The following NRG2 variants were observed in gnomAD, a reference collection of about 807,000 sequenced individuals.
NRG2 encodes neuregulin 2.
A neutral mutation model predicts 73.9 loss-of-function variants in NRG2; 27 were observed. That is an observed-to-expected ratio of 0.37 (90% confidence interval 0.27 to 0.50). NRG2 has a LOEUF of 0.50. NRG2 is among the 20% of genes least tolerant of loss of function. NRG2 has a pLI of 0.96. For missense variants in NRG2, 1,126 were observed against 1,210.1 expected, an observed-to-expected ratio of 0.93 and a Z score of 1.03; for synonymous variants, 532 against 541.0, an observed-to-expected ratio of 0.98 and a Z score of 0.23.
At chr5:139,932,893 A>T (rs1013950123) in intron 1 of NRG2, among the ~76,000 whole-genome samples, 9 of 152,120 alleles carry the variant, frequency 5.9e-5, no homozygotes, top group Non-Finnish European at 2.9e-5. Flanking sequence ...GTATTTATTT[A>T]AAAATTTTAA....
Position 139,847,211 on chromosome 5 carries a change from C to A in NRG2, c.*706G>T, listed in dbSNP as rs1477240038. 1 of 152,190 alleles carries A rather than the reference C, an allele frequency of 6.6e-6. No homozygotes were observed. Among genetic ancestry groups the A allele is most frequent in the African/African-American group, 2.4e-5 (1 of 41,412 alleles). The allele number at this position is 152,190 out of a possible 1,614,324, so 9.4% of individuals were successfully genotyped here. Reference sequence around the variant, plus strand: ...CCTGGAGGCTGTGGGGGACAGGAGCCGCCAACATTGGGCCCCTGGCAGAGC... The same window carrying A: ...CCTGGAGGCTGTGGGGGACAGGAGCAGCCAACATTGGGCCCCTGGCAGAGC... On this transcript the variant is annotated 3_prime_UTR_variant, in exon 10 of 10. Coordinates refer to ENST00000361474, the MANE Select transcript of NRG2 (RefSeq NM_004883.3).
Position 139,887,610 on chromosome 5 carries a change from G to A in NRG2, c.701-99C>T. 8.9e-7 allele frequency: 1 copy of A among 1,121,156 alleles called. No homozygotes were observed. Among genetic ancestry groups the A allele is most frequent in the South Asian group, 1.5e-5 (1 of 68,730 alleles). 69.5% of individuals were successfully genotyped at this position (1,121,156 alleles called of 1,614,324 possible). The stretch of plus-strand genomic sequence containing the variant: ...GGGCCACTGTCTTTGGGCTGGAACT[G>A]GGGAAGGGAAGGGTGATCCTGAGAG... On this transcript the variant is annotated intron_variant, in intron 1 of 9. Transcript: ENST00000361474. The surrounding 1 kb of genome is among the most constrained non-coding windows in gnomAD (Gnocchi z 4.5).
chr5:139,921,009 A>G (rs1751618259), intron 1 of NRG2, among the ~76,000 whole-genome samples: 1 of 152,238 alleles, frequency 6.6e-6, no homozygotes, highest in Admixed American at 6.5e-5. Flanking sequence ...CATTAGCACT[A>G]TCTAAAATGA....
chr5:140,011,828 T>A (rs1759389654), intron 1 of NRG2, among the ~76,000 whole-genome samples: 1 of 152,232 alleles, frequency 6.6e-6, no homozygotes, highest in South Asian at 2.1e-4. Context: ...ACCCACTACA[T>A]TTTGGGGTAA....
rs932105216 is a variant in NRG2 at position 139,852,020 on chromosome 5, G to T, written c.1545-189C>A. Among the ~76,000 whole-genome samples the T allele has an allele frequency of 5.3e-5, 8 of 152,186 alleles. No individual in the cohort carries two copies. The highest frequency in any genetic ancestry group is 1.7e-4 in the African/African-American group (7 of 41,440). On this transcript the variant is annotated intron_variant, in intron 8 of 9. Transcript: ENST00000361474. The surrounding 1 kb of genome is among the most constrained non-coding windows in gnomAD (Gnocchi z 4.4). ...CAATATTGGAAGAAGGAGGGCTGGG[G>T]TCCCATAGATGGGTGAGCTGTAATG...
At chr5:139,979,090 T>TG (rs1329809448) in intron 1 of NRG2, among the ~76,000 whole-genome samples, 1 of 58,130 alleles carries the variant, frequency 1.7e-5, no homozygotes, top group Non-Finnish European at 3.1e-5. Context: ...TGTTGTGGGG[T>TG]GGGGGGAGGG....
chr5:139,859,358 G>A lies in NRG2; in HGVS notation c.1190-3580C>T, dbSNP rs576384065. On this transcript the variant is annotated intron_variant, in intron 5 of 9. Coordinates refer to ENST00000361474, the MANE Select transcript of NRG2 (RefSeq NM_004883.3). Reference sequence around the variant, plus strand: ...GCCAGGCAGACAGACACAGGGCAGGGACAGAGATAAATAGAGAGTTATCAG... The same window carrying A: ...GCCAGGCAGACAGACACAGGGCAGGAACAGAGATAAATAGAGAGTTATCAG... Among the ~76,000 whole-genome samples, 3 of 152,194 alleles carry A rather than the reference G, an allele frequency of 2.0e-5. No individual in the cohort carries two copies. The South Asian group carries it at 6.2e-4, about 32-fold the overall frequency.
chr5:140,022,465 T>C (rs1760319993), intron 1 of NRG2, among the ~76,000 whole-genome samples: 1 of 152,238 alleles, frequency 6.6e-6, no homozygotes, highest in Non-Finnish European at 1.5e-5. Context: ...ATGTCCATGT[T>C]GTACTCATCT....
chr5:139,859,684 T>C (rs1238290986), intron 5 of NRG2, among the ~76,000 whole-genome samples: 1 of 152,148 alleles, frequency 6.6e-6, no homozygotes, highest in Admixed American at 6.5e-5. Context: ...AACCCCTGAG[T>C]GCCCTTCTGT....
At chr5:139,905,312 G>T (rs1765159853) in intron 1 of NRG2, among the ~76,000 whole-genome samples, 1 of 152,190 alleles carries the variant, frequency 6.6e-6, no homozygotes, top group African/African-American at 2.4e-5. Context: ...GGGTTACATA[G>T]CAAAGGCTCT....
At chr5:139,963,190 A>G (rs1031799265) in intron 1 of NRG2, among the ~76,000 whole-genome samples, 1 of 152,340 alleles carries the variant, frequency 6.6e-6, no homozygotes, top group Admixed American at 6.5e-5. Context: ...GCAGATCTCA[A>G]ATAGAAGTCC....
intron 1 of NRG2, among the ~76,000 whole-genome samples, chr5:140,011,517 C>T (rs1392069445): frequency 6.6e-6 from 1 of 152,174 alleles, no homozygotes; most frequent in South Asian, 2.1e-4. Context: ...CCTCCCTCCT[C>T]CCACCCTTTC....
At chr5:139,998,824 T>A (rs1384426410) in intron 1 of NRG2, among the ~76,000 whole-genome samples, 1 of 152,128 alleles carries the variant, frequency 6.6e-6, no homozygotes, top group Non-Finnish European at 1.5e-5. Flanking sequence ...ATTATAGGAA[T>A]AGGGGAAGAT....
At chr5:140,009,771 G>T (rs1350107651) in intron 1 of NRG2, among the ~76,000 whole-genome samples, 2 of 152,154 alleles carry the variant, frequency 1.3e-5, no homozygotes, top group African/African-American at 2.4e-5. Flanking sequence ...ATATTATTCA[G>T]CACTAAAAAT....
In NRG2 at chr5:139,904,255, G is replaced by C; in HGVS notation, c.701-16744C>G. 1 of 1,556,356 alleles carries C rather than the reference G, an allele frequency of 6.4e-7. No individual in the cohort carries two copies. Among genetic ancestry groups the C allele is most frequent in the Non-Finnish European group, 8.6e-7 (1 of 1,159,146 alleles). ...CTGCGCTGGGGGCGGGTGAGCGGGCGGCAGGTTTCTCCCAGGGAAACCGGG... is the reference window on the plus strand; with the variant it reads ...CTGCGCTGGGGGCGGGTGAGCGGGCCGCAGGTTTCTCCCAGGGAAACCGGG... On this transcript the variant is annotated intron_variant, in intron 1 of 9. Transcript: ENST00000361474. This position sits in a 1 kb window ranked among gnomAD's most constrained non-coding sequence, Gnocchi z 6.0.
intron 1 of NRG2, among the ~76,000 whole-genome samples, chr5:139,999,880 T>C (rs1758301796): frequency 6.6e-6 from 1 of 152,336 alleles, no homozygotes; most frequent in Non-Finnish European, 1.5e-5. Context: ...ATATCTGACA[T>C]GCATATGTGC....
intron 1 of NRG2, among the ~76,000 whole-genome samples, chr5:139,906,014 C>CT (rs1334429120): frequency 3.9e-5 from 6 of 152,024 alleles, no homozygotes; most frequent in African/African-American, 1.4e-4. Flanking sequence ...TTCTTTCTTT[C>CT]TTTCTTTTTT....
intron 1 of NRG2, among the ~76,000 whole-genome samples, chr5:140,035,191 G>A (rs1313142327): frequency 6.6e-6 from 1 of 151,938 alleles, no homozygotes; most frequent in African/African-American, 2.4e-5. Flanking sequence ...TGCTCTTGCT[G>A]CATGAAATAA....
chr5:139,993,868 A>G (rs1417292351), intron 1 of NRG2, among the ~76,000 whole-genome samples: 3 of 152,226 alleles, frequency 2.0e-5, no homozygotes, highest in Non-Finnish European at 4.4e-5. Flanking sequence ...GTCTGAATCC[A>G]TATAGTCAAA....
Sources: allele counts gnomAD v4.1 joint callset (sites outside exome capture counted in the v4.1 genomes callset), GRCh38; gene constraint gnomAD v4.1.1; non-coding constraint Gnocchi (gnomAD v3.1); transcripts MANE v1.5; gene names NCBI Gene and HGNC (gene_info 2026-07-23, HGNC 2026-07-21).